The following SIGLEC7 variants were observed in gnomAD, a reference collection of about 807,000 sequenced individuals.
The protein encoded by SIGLEC7 is sialic acid-binding Ig-like lectin 7.
In SIGLEC7, 33 loss-of-function variants were observed where a neutral mutation model predicts 40.8. The ratio of observed to expected loss-of-function variants is 0.81; its 90% CI spans 0.61 to 1.08. The LOEUF is 1.08. SIGLEC7 is among the 50% of genes least tolerant of loss of function. The pLI is 0.00. For missense variants in SIGLEC7, 513 were observed against 576.1 expected (o/e 0.89, Z 1.12); for synonymous variants, 242 against 237.6 (o/e 1.02, Z -0.17).
rs756404009 is a variant in SIGLEC7, at chr19:51,144,894, C to T, written c.713-18C>T. On this transcript the variant is annotated intron_variant, in intron 2 of 6. Coordinates refer to ENST00000317643, the MANE Select transcript of SIGLEC7 (RefSeq NM_014385.4). ...CAGCCCTCACAGTGATGCAGGTCTC[C>T]ATGTCTTTCTGTCCCAGACCCTCCT... 6.8e-6 allele frequency: 11 copies of T among 1,613,784 alleles called. No individual in the cohort carries two copies. Among genetic ancestry groups the T allele is most frequent in the Non-Finnish European group, 5.9e-6 (7 of 1,179,712 alleles).
rs754779201 is a variant in SIGLEC7 at position 51,145,926 on chromosome 19, G to A, written c.832G>A (p.Val278Ile). The A allele has an allele frequency of 1.4e-5, 23 of 1,614,098 alleles. No homozygotes were observed. Among genetic ancestry groups the A allele is most frequent in the Non-Finnish European group, 1.7e-5 (20 of 1,180,056 alleles). ...CCAGTCTCTGCGCTTGGTCTGTGCT[G>A]TTGACAGCAATCCCCCTGCCAGGCT... Reference protein sequence around the residue: ...EGQSLRLVCAVDSNPPARLSW... With the variant: ...EGQSLRLVCAIDSNPPARLSW... Residue 278 changes from valine to isoleucine, a missense_variant, in exon 4 of 7, where the codon GTT becomes ATT. Val to Ile is a conservative substitution (Grantham distance 29). Transcript: ENST00000317643. This position sits in a 1 kb window ranked among gnomAD's most constrained non-coding sequence, Gnocchi z 4.3.
intron 2 of SIGLEC7, 33 bp downstream of exon 2, chr19:51,144,717 A>C: frequency 6.2e-7 from 1 of 1,605,682 alleles, no homozygotes; most frequent in Non-Finnish European, 8.5e-7. Flanking sequence ...CTGGTCCCTG[A>C]TGAGGGGGGG....
rs1157334066 is a variant in SIGLEC7, at chr19:51,144,932, G to A, written c.733G>A (p.Val245Met). The change falls in exon 3 of 7, where the codon GTG becomes ATG. Residue 245 changes from valine to methionine, a missense_variant. Coordinates refer to ENST00000317643, the MANE Select transcript of SIGLEC7 (RefSeq NM_014385.4). ...NVSYPPQNLT[V>M]TVFQGEGTAS... Reference sequence around the variant, plus strand: ...CCCAGACCCTCCTCAGAACTTGACTGTGACTGTCTTCCAAGGAGAAGGCAC... The same window carrying A: ...CCCAGACCCTCCTCAGAACTTGACTATGACTGTCTTCCAAGGAGAAGGCAC... 3.7e-6 allele frequency: 6 copies of A among 1,613,986 alleles called. No homozygotes were observed. Among genetic ancestry groups the A allele is most frequent in the Non-Finnish European group, 5.1e-6 (6 of 1,179,982 alleles).
In SIGLEC7 at chr19:51,142,343, G is replaced by A. The variant is rs369292981; in HGVS notation, c.-27G>A. 24 of 1,604,140 alleles carry A rather than the reference G, an allele frequency of 1.5e-5. No individual in the cohort carries two copies. In the Admixed American group the frequency reaches 1.7e-4, roughly 11 times the overall value. On this transcript the variant is annotated 5_prime_UTR_variant, in exon 1 of 7. Coordinates refer to ENST00000317643, the MANE Select transcript of SIGLEC7 (RefSeq NM_014385.4). This position sits in a 1 kb window ranked among gnomAD's most constrained non-coding sequence, Gnocchi z 5.0. The stretch of plus-strand genomic sequence containing the variant: ...AACCCTGAGGAACAGACGTTCCCTC[G>A]CGGCCCTGGCACCTCCAACCCCAGA...
At chr19:51,146,999 C>T (rs760992325) in intron 5 of SIGLEC7, 149 bp downstream of exon 5, 58 of 992,936 alleles carry the variant, frequency 5.8e-5, no homozygotes, top group Middle Eastern at 2.6e-4. Flanking sequence ...ATTTCAAGAG[C>T]GCCCTTGTCT....
intron 4 of SIGLEC7, 66 bp downstream of exon 4, chr19:51,146,187 C>G (rs2092107308): frequency 1.3e-6 from 2 of 1,569,904 alleles, no homozygotes; most frequent in African/African-American, 2.7e-5. Flanking sequence ...ACCCACTGCC[C>G]CTGAGCTTCA....
At position 51,144,241 on chromosome 19, in the gene SIGLEC7, T is replaced by A. The variant is rs145484559; in HGVS notation, c.434-165T>A. 3.9e-4 allele frequency: 407 copies of A among 1,052,724 alleles called. 2 individuals are homozygous for A. In the African/African-American group the frequency reaches 5.8e-3, roughly 15 times the overall value. 65.2% of individuals were successfully genotyped at this position (1,052,724 alleles called of 1,614,324 possible). On this transcript the variant is annotated intron_variant, in intron 1 of 6. Transcript: ENST00000317643. ...CTCCAGGAGACACCACAGGGAAAGG[T>A]CATGGGGGTGGCAGCGAAAGCCTGG...
chr19:51,151,683 G>T (rs919046375), intron 6 of SIGLEC7, among the ~76,000 whole-genome samples: 1 of 152,228 alleles, frequency 6.6e-6, no homozygotes, highest in Non-Finnish European at 1.5e-5. Context: ...TCTGTGTAGG[G>T]AAGGTGAGCA....
chr19:51,147,193 T>C lies in SIGLEC7; in HGVS notation c.1125-28T>C, dbSNP rs566047746. The C allele has an allele frequency of 8.1e-6, 13 of 1,611,008 alleles. No homozygotes were observed. The South Asian group carries it at 1.1e-4, about 14-fold the overall frequency. ...CCACTGCACCCCGATCTGACCACAC[T>C]GAAAGGCTCTCTGGTCTCTTCACTC... On this transcript the variant is annotated intron_variant, in intron 5 of 6. Transcript: ENST00000317643.
chr19:51,149,535 A>G (rs978364816), intron 6 of SIGLEC7, among the ~76,000 whole-genome samples: 3 of 152,134 alleles, frequency 2.0e-5, no homozygotes, highest in African/African-American at 7.2e-5. Flanking sequence ...TACCACTACC[A>G]TGCTGTTTTG....
In SIGLEC7 at chr19:51,144,389, C is replaced by A. The variant is rs1383128182; in HGVS notation, c.434-17C>A. On this transcript the variant is annotated splice_polypyrimidine_tract_variant and intron_variant, in intron 1 of 6. Coordinates refer to ENST00000317643, the MANE Select transcript of SIGLEC7 (RefSeq NM_014385.4). Reference sequence around the variant, plus strand: ...TGGATCCTCTGTCCTGATCCTGAGTCCCCCTCTCTTCACCAGCCTTGACCC... The same window carrying A: ...TGGATCCTCTGTCCTGATCCTGAGTACCCCTCTCTTCACCAGCCTTGACCC... The A allele has an allele frequency of 6.3e-6, 10 of 1,593,716 alleles. No homozygotes were observed. The highest frequency in any genetic ancestry group is 8.5e-6 in the Non-Finnish European group (10 of 1,172,464).
At position 51,153,100 on chromosome 19, in the gene SIGLEC7, G is replaced by A. The variant is rs763517945; in HGVS notation, c.1259G>A (p.Arg420Gln). 8.6e-5 allele frequency: 138 copies of A among 1,603,890 alleles called. No individual in the cohort carries two copies. The highest frequency in any genetic ancestry group is 5.9e-5 in the Non-Finnish European group (69 of 1,175,232). The change falls in exon 7 of 7, where the codon CGA becomes CAA. Residue 420 changes from arginine to glutamine, a missense_variant. Transcript: ENST00000317643. ...LTESWADDNPRHHGLAAHSSG... is the reference protein window; with the variant it reads ...LTESWADDNPQHHGLAAHSSG... ...GAGTCCTGGGCAGATGATAACCCCC[G>A]ACACCATGGCCTGGCTGCCCACTCC... is the stretch of plus-strand genomic sequence containing the variant.
chr19:51,153,450 C>A lies in SIGLEC7; in HGVS notation c.*205C>A, dbSNP rs1220952619. On this transcript the variant is annotated 3_prime_UTR_variant, in exon 7 of 7. Transcript: ENST00000317643. The stretch of plus-strand genomic sequence containing the variant: ...CGGTCCACACTCCCCGCCCTGGCCT[C>A]TGGTACCCACCATTCTCCTCTGTAC... 7.8e-6 allele frequency: 3 copies of A among 383,694 alleles called. No homozygotes were observed. The highest frequency in any genetic ancestry group is 6.2e-5 in the African/African-American group (3 of 48,712). 23.8% of individuals were successfully genotyped at this position (383,694 alleles called of 1,614,324 possible).
chr19:51,146,814 C>T lies in SIGLEC7; in HGVS notation c.1088C>T (p.Ala363Val). The T allele has an allele frequency of 2.5e-6, 4 of 1,614,082 alleles. No homozygotes were observed. In the South Asian group the frequency reaches 3.3e-5, roughly 13 times the overall value. Residue 363 changes from alanine to valine, a missense_variant, in exon 5 of 7, where the codon GCC becomes GTC. Transcript: ENST00000317643. ...GCGGTCGGGGGAGCTGGAGCCACAGCCCTGGTCTTCCTCTCCTTCTGTGTC... is the reference window on the plus strand; with the variant it reads ...GCGGTCGGGGGAGCTGGAGCCACAGTCCTGGTCTTCCTCTCCTTCTGTGTC... The part of the protein sequence containing the change: ...LGAVGGAGAT[A>V]LVFLSFCVIF...
Position 51,145,763 on chromosome 19 carries a change from C to A in SIGLEC7, c.761-92C>A, listed in dbSNP as rs2092103161. 6.9e-7 allele frequency: 1 copy of A among 1,443,418 alleles called. No homozygotes were observed. Among genetic ancestry groups the A allele is most frequent in the East Asian group, 2.3e-5 (1 of 43,906 alleles). 89.4% of individuals were successfully genotyped at this position (1,443,418 alleles called of 1,614,324 possible). On this transcript the variant is annotated intron_variant, in intron 3 of 6. Transcript: ENST00000317643. The surrounding 1 kb of genome is among the most constrained non-coding windows in gnomAD (Gnocchi z 4.3). ...AGTATGTCCCTGCACCAGCCTACAT[C>A]ACTCTCTGTTCCATTCCCCAGTCTC...
rs1463756780 is a variant in SIGLEC7 at position 51,153,119 on chromosome 19, C to T, written c.1278C>T (p.Ala426=). 6.2e-7 allele frequency: 1 copy of T among 1,606,698 alleles called. No homozygotes were observed. Among genetic ancestry groups the T allele is most frequent in the Admixed American group, 1.7e-5 (1 of 59,130 alleles). Residue 426 remains alanine (A), a synonymous_variant, in exon 7 of 7, where the codon GCC becomes GCT. Coordinates refer to ENST00000317643, the MANE Select transcript of SIGLEC7 (RefSeq NM_014385.4). ...ACCCCCGACACCATGGCCTGGCTGC[C>T]CACTCCTCAGGGGAGGAAAGAGAGA... ...DDNPRHHGLA[A]HSSGEEREIQ...
intron 4 of SIGLEC7, 78 bp downstream of exon 4, chr19:51,146,199 G>T (rs781024275): frequency 4.5e-6 from 7 of 1,548,986 alleles, no homozygotes; most frequent in Non-Finnish European, 6.2e-6. Context: ...TGAGCTTCAA[G>T]GGGGAGCTCA....
intron 6 of SIGLEC7, among the ~76,000 whole-genome samples, chr19:51,148,980 T>A (rs2092126991): frequency 6.6e-6 from 1 of 152,252 alleles, no homozygotes; most frequent in African/African-American, 2.4e-5. Context: ...GCCAAAAATG[T>A]CTGTTCATGT....
At chr19:51,144,267 G>A (rs1480109814) in intron 1 of SIGLEC7, 139 bp from the exon 2 acceptor site, 4 of 1,449,698 alleles carry the variant, frequency 2.8e-6, no homozygotes, top group Non-Finnish European at 2.8e-6. Flanking sequence ...GAAAGCCTGG[G>A]ATGGGGCCCC....
Sources: gnomAD v4.1 joint callset for allele counts (sites outside exome capture counted in the v4.1 genomes callset) on GRCh38, gnomAD v4.1.1 for gene constraint, Gnocchi (gnomAD v3.1) non-coding constraint, MANE v1.5 for transcripts, NCBI Gene and HGNC (gene_info 2026-07-23, HGNC 2026-07-21) for gene names.